The following FMNL3 variants were observed in gnomAD, a reference collection of about 807,000 sequenced individuals.
FMNL3 encodes the protein formin like 3.
FMNL3 carries 57 observed loss-of-function variants against 119.6 expected under a neutral mutation model. That is an observed-to-expected ratio of 0.48 (90% CI 0.39 to 0.59). The LOEUF (loss-of-function observed/expected upper bound fraction) is 0.59, where lower values mean the gene tolerates loss of function less well. Among genes scored for constraint, FMNL3 ranks in the 20% least tolerant of loss-of-function variants. The probability of loss-of-function intolerance (pLI) is 0.00; values close to 1 mark genes in which losing one functional copy is unlikely to be tolerated. For synonymous variants in FMNL3, 491 were observed against 507.3 expected (o/e 0.97, Z 0.43); for missense variants, 1,053 against 1,323.5 (o/e 0.80, Z 3.17).
chr12:49,665,977 A>G, intron 3 of FMNL3, 69 bp from the exon 4 acceptor site: 2 of 1,568,660 alleles, frequency 1.3e-6, no homozygotes, highest in Admixed American at 3.3e-5. Flanking sequence ...ATTACTGGCC[A>G]GCCATTCCAG....
intron 1 of FMNL3, among the ~76,000 whole-genome samples, chr12:49,706,440 G>A (rs1945050164): frequency 6.6e-6 from 1 of 152,216 alleles, no homozygotes; most frequent in South Asian, 2.1e-4. Context: ...CAGCCTTTCA[G>A]GCAAATCCAC....
At chr12:49,646,642 T>C (rs2138697063) in intron 25 of FMNL3, 1 of 1,524,732 alleles carries the variant, frequency 6.6e-7, no homozygotes, top group Admixed American at 2.0e-5. Flanking sequence ...CCAGTACCTG[T>C]CGGGCCCCAA....
At chr12:49,672,133 C>A (rs1046486950) in intron 1 of FMNL3, among the ~76,000 whole-genome samples, 1 of 152,190 alleles carries the variant, frequency 6.6e-6, no homozygotes. Flanking sequence ...AGGGACCTGC[C>A]CTCTTGCTTC....
At chr12:49,694,020 C>T (rs1393742515) in intron 1 of FMNL3, among the ~76,000 whole-genome samples, 1 of 151,906 alleles carries the variant, frequency 6.6e-6, no homozygotes, top group African/African-American at 2.4e-5. Context: ...CTCACTGCAA[C>T]CTCAAACTCT....
intron 1 of FMNL3, among the ~76,000 whole-genome samples, chr12:49,669,499 G>A (rs185347231): frequency 6.6e-6 from 1 of 152,248 alleles, no homozygotes; most frequent in Admixed American, 6.5e-5. Context: ...CTTCTCATCA[G>A]TCTGGCTGTC....
At chr12:49,683,808 T>C (rs957216809) in intron 1 of FMNL3, among the ~76,000 whole-genome samples, 1 of 152,200 alleles carries the variant, frequency 6.6e-6, no homozygotes, top group African/African-American at 2.4e-5. Context: ...GTCTCTGCCT[T>C]ACACTTTACA....
chr12:49,654,845 C>G, intron 10 of FMNL3, 65 bp downstream of exon 10: 4 of 1,492,996 alleles, frequency 2.7e-6, no homozygotes, highest in Non-Finnish European at 3.7e-6. Flanking sequence ...GGCCTCACCC[C>G]TGTTGTCAAG....
In FMNL3 at chr12:49,642,968, T is replaced by C. The variant is rs767374932; in HGVS notation, c.*2847A>G. 1 of 1,613,832 alleles carries C rather than the reference T, an allele frequency of 6.2e-7. No individual in the cohort carries two copies. Among genetic ancestry groups the C allele is most frequent in the South Asian group, 1.1e-5 (1 of 91,026 alleles). On this transcript the variant is annotated 3_prime_UTR_variant, in exon 26 of 26. Coordinates refer to ENST00000335154, the MANE Select transcript of FMNL3 (RefSeq NM_175736.5). The surrounding 1 kb of genome is among the most constrained non-coding windows in gnomAD (Gnocchi z 5.8). ...ACCTCCACACCAAAGGCCGAAAGCA[T>C]GGCAGGAAAGGCAAGAAGCACCATC... is the stretch of plus-strand genomic sequence containing the variant.
intron 1 of FMNL3, among the ~76,000 whole-genome samples, chr12:49,698,059 A>G (rs185723161): frequency 5.3e-5 from 8 of 152,288 alleles, no homozygotes. Flanking sequence ...TTAAAACCAA[A>G]TATCCATCTC....
chr12:49,650,566 G>T, intron 17 of FMNL3, 110 bp downstream of exon 17: 2 of 1,223,200 alleles, frequency 1.6e-6, no homozygotes, highest in Non-Finnish European at 2.3e-6. Flanking sequence ...CTAGGGGGAT[G>T]TGAGGGAGTT....
intron 1 of FMNL3, among the ~76,000 whole-genome samples, chr12:49,687,621 C>T (rs942602397): frequency 6.6e-6 from 1 of 152,132 alleles, no homozygotes; most frequent in Non-Finnish European, 1.5e-5. Context: ...GTTTATTGTT[C>T]TCCCCAACAA....
At position 49,637,921 on chromosome 12, in the gene FMNL3, C is replaced by G. The variant is rs1942069235; in HGVS notation, c.*7894G>C. 1 of 939,700 alleles carries G rather than the reference C, an allele frequency of 1.1e-6. No homozygotes were observed. The highest frequency in any genetic ancestry group is 1.7e-6 in the Non-Finnish European group (1 of 596,450). The allele number at this position is 939,700 out of a possible 1,614,324, so 58.2% of individuals were successfully genotyped here. ...TAAGTCCTGTTTTGCAGAAGCATTA[C>G]AGCTTGGTTCAGCAGATATCTACTG... is the stretch of plus-strand genomic sequence containing the variant. On this transcript the variant is annotated 3_prime_UTR_variant, in exon 26 of 26. Transcript: ENST00000335154.
At chr12:49,697,643 C>T (rs2139036832) in intron 1 of FMNL3, among the ~76,000 whole-genome samples, 1 of 152,242 alleles carries the variant, frequency 6.6e-6, no homozygotes, top group East Asian at 1.9e-4. Flanking sequence ...TTGAAAGCTA[C>T]TTTAAATTAT....
Position 49,643,663 on chromosome 12 carries a change from G to A in FMNL3, c.*2152C>T, listed in dbSNP as rs377741337. ...AAAGAGCCTGTCTTTCTCCTGTTGG[G>A]ACTTAGTAGGGATTTTTCTATCTCT... On this transcript the variant is annotated 3_prime_UTR_variant, in exon 26 of 26. Coordinates refer to ENST00000335154, the MANE Select transcript of FMNL3 (RefSeq NM_175736.5). 4.2e-5 allele frequency: 68 copies of A among 1,608,316 alleles called. No homozygotes were observed. The African/African-American group carries it at 5.2e-4, about 12-fold the overall frequency.
At position 49,637,895 on chromosome 12, in the gene FMNL3, A is replaced by C; in HGVS notation, c.*7920T>G. ...CACACTCCCTGCAGAGGACTCCCTG[A>C]TAAGTCCTGTTTTGCAGAAGCATTA... On this transcript the variant is annotated 3_prime_UTR_variant, in exon 26 of 26. Coordinates refer to ENST00000335154, the MANE Select transcript of FMNL3 (RefSeq NM_175736.5). The C allele has an allele frequency of 7.8e-7, 1 of 1,287,748 alleles. No homozygotes were observed. The highest frequency in any genetic ancestry group is 1.1e-6 in the Non-Finnish European group (1 of 895,348). 79.8% of individuals were successfully genotyped at this position (1,287,748 alleles called of 1,614,324 possible). A position where few individuals can be genotyped will look rare whatever the true frequency, so the allele number is the denominator to read the frequency against.
In FMNL3 at chr12:49,656,502, G is replaced by C; in HGVS notation, c.792-5C>G. The C allele has an allele frequency of 6.2e-7, 1 of 1,612,662 alleles. No individual in the cohort carries two copies. Among genetic ancestry groups the C allele is most frequent in the South Asian group, 1.1e-5 (1 of 90,830 alleles). Reference sequence around the variant, plus strand: ...TCTAAGACAAGGGCTTTGGTCCTAAGGGGTGAAGAAGGAAGATTAACACCC... The same window carrying C: ...TCTAAGACAAGGGCTTTGGTCCTAACGGGTGAAGAAGGAAGATTAACACCC... On this transcript the variant is annotated splice_region_variant and splice_polypyrimidine_tract_variant and intron_variant, in intron 8 of 25. Coordinates refer to ENST00000335154, the MANE Select transcript of FMNL3 (RefSeq NM_175736.5).
chr12:49,649,931 G>A lies in FMNL3; in HGVS notation c.2001-6C>T, dbSNP rs980402011. On this transcript the variant is annotated splice_region_variant and splice_polypyrimidine_tract_variant and intron_variant, in intron 17 of 25. Coordinates refer to ENST00000335154, the MANE Select transcript of FMNL3 (RefSeq NM_175736.5). The surrounding 1 kb of genome is among the most constrained non-coding windows in gnomAD (Gnocchi z 5.6). ...GTAGTGTCTGCAAGTCAAACCTGTG[G>A]AGGAGGGAGGGACCACCTCAGTTCT... 1 of 1,610,766 alleles carries A rather than the reference G, an allele frequency of 6.2e-7. No individual in the cohort carries two copies.
chr12:49,642,873 TCC>T lies in FMNL3; in HGVS notation c.*2940_*2941del. ...CAAAGCCAGATTTTAGGAAGTAGGA[TCC>T]TTCCTGGGGCTAAGTCTGGTGCTGT... On this transcript the variant is annotated 3_prime_UTR_variant, in exon 26 of 26. Transcript: ENST00000335154. The surrounding 1 kb of genome is among the most constrained non-coding windows in gnomAD (Gnocchi z 5.8). 9.7e-6 allele frequency: 15 copies of T among 1,554,116 alleles called. No individual in the cohort carries two copies. In the South Asian group the frequency reaches 1.8e-4, roughly 18 times the overall value.
chr12:49,653,485 CA>C (rs1442072826), intron 12 of FMNL3, among the ~76,000 whole-genome samples, 158 bp from the exon 13 acceptor site: 1 of 152,190 alleles, frequency 6.6e-6, no homozygotes. Context: ...AGATACAAGA[CA>C]AAGGCCACAT....
Sources: gnomAD v4.1 joint callset for allele counts (sites outside exome capture counted in the v4.1 genomes callset) on GRCh38, gnomAD v4.1.1 for gene constraint, Gnocchi (gnomAD v3.1) non-coding constraint, MANE v1.5 for transcripts, NCBI Gene and HGNC (gene_info 2026-07-23, HGNC 2026-07-21) for gene names.